Variants in CEP63 observed in about 807,000 individuals in gnomAD.
CEP63 encodes the protein centrosomal protein 63.
A neutral mutation model predicts 89.1 loss-of-function variants in CEP63; 84 were observed. The observed-to-expected ratio is 0.94, with a 90% CI of 0.79 to 1.13. The LOEUF is 1.13. Ranked by LOEUF, CEP63 falls within the 50% of genes most tolerant of loss-of-function variation. The pLI is 0.00. For synonymous variants in CEP63, 267 were observed against 272.5 expected (o/e 0.98, Z 0.20); for missense variants, 838 against 813.3 (o/e 1.03, Z -0.37).
At chr3:134,515,707 A>G (rs1034988958) in intron 3 of CEP63, among the ~76,000 whole-genome samples, 17 of 152,202 alleles carry the variant, frequency 1.1e-4, no homozygotes, top group African/African-American at 3.1e-4. Context: ...GCCAACATCT[A>G]CTATAACAGG....
intron 6 of CEP63, among the ~76,000 whole-genome samples, chr3:134,540,891 C>T (rs1951863569): frequency 1.3e-5 from 2 of 151,708 alleles, no homozygotes; most frequent in South Asian, 4.2e-4. Flanking sequence ...AAGCAGTTCT[C>T]CTGCCTCAGC....
the CEP63 span, among the ~76,000 whole-genome samples, chr3:134,744,139 G>A: frequency 6.6e-6 from 1 of 152,166 alleles, no homozygotes; most frequent in Non-Finnish European, 1.5e-5. Context: ...TTGAGATTTG[G>A]TTTTATGTAG....
intron 3 of CEP63, chr3:134,510,587 A>C (rs1944613782): frequency 6.7e-6 from 4 of 594,588 alleles, no homozygotes; most frequent in Non-Finnish European, 1.2e-5. Flanking sequence ...GGCACAACTT[A>C]CTGTCTTCAA....
the CEP63 span, among the ~76,000 whole-genome samples, chr3:134,771,559 A>C: frequency 1.3e-5 from 1 of 75,352 alleles, no homozygotes; most frequent in South Asian, 3.3e-4. Context: ...GATGATGTCG[A>C]TGTTGCTGTT....
intron 6 of CEP63, among the ~76,000 whole-genome samples, chr3:134,539,213 A>T (rs1951491153): frequency 6.6e-6 from 1 of 152,218 alleles, no homozygotes; most frequent in South Asian, 2.1e-4. Flanking sequence ...AATAGTTGTC[A>T]TCATCTTGTC....
At chr3:134,488,988 T>G (rs2107819098) in intron 1 of CEP63, among the ~76,000 whole-genome samples, 1 of 152,002 alleles carries the variant, frequency 6.6e-6, no homozygotes, top group East Asian at 1.9e-4. Context: ...AAACCCCGTC[T>G]CTACTAAAAA....
At chr3:134,690,400 G>A in the CEP63 span, among the ~76,000 whole-genome samples, 55 of 152,312 alleles carry the variant, frequency 3.6e-4, no homozygotes, top group Non-Finnish European at 6.9e-4. Flanking sequence ...AACTTGTGGT[G>A]AAGAGTTTGC....
At chr3:134,578,334 T>TTTG (rs1553798182), downstream of CEP63, among the ~76,000 whole-genome samples, 1 of 23,992 alleles carries the variant, frequency 4.2e-5, no homozygotes, top group African/African-American at 9.6e-5. Context: ...TTTTTTTTTT[T>TTTG]TTTTTTTTTT....
the CEP63 span, among the ~76,000 whole-genome samples, chr3:134,756,242 T>C: frequency 3.3e-5 from 5 of 152,254 alleles, no homozygotes; most frequent in Non-Finnish European, 7.3e-5. Context: ...ATGGCCTTTG[T>C]GTAGAGATCA....
intron 10 of CEP63, among the ~76,000 whole-genome samples, chr3:134,585,315 G>T (rs1388426162): frequency 1.3e-5 from 2 of 151,974 alleles, no homozygotes; most frequent in South Asian, 4.1e-4. Context: ...GCCTTCTCTT[G>T]TGGGCATTTA....
the CEP63 span, among the ~76,000 whole-genome samples, chr3:134,609,137 G>T: frequency 2.6e-5 from 4 of 152,226 alleles, no homozygotes; most frequent in East Asian, 1.9e-4. Flanking sequence ...AAGTTCAAAG[G>T]GGGGAAAGGC....
chr3:134,502,035 T>G (rs1029154420), intron 2 of CEP63, among the ~76,000 whole-genome samples: 2 of 152,148 alleles, frequency 1.3e-5, no homozygotes, highest in Non-Finnish European at 2.9e-5. Flanking sequence ...GCTTTTAACG[T>G]GAAGGGATAT....
At chr3:134,676,990 C>A in the CEP63 span, among the ~76,000 whole-genome samples, 1 of 152,198 alleles carries the variant, frequency 6.6e-6, no homozygotes, top group African/African-American at 2.4e-5. Context: ...AATCCCAGCA[C>A]TTTGGGAGGC....
downstream of CEP63, among the ~76,000 whole-genome samples, chr3:134,589,989 C>G (rs1958568282): frequency 6.6e-6 from 1 of 152,086 alleles, no homozygotes; most frequent in Non-Finnish European, 1.5e-5. Flanking sequence ...AGTGAACTAA[C>G]ATAGGAACAG....
the CEP63 span, among the ~76,000 whole-genome samples, chr3:134,757,970 A>G: frequency 6.6e-6 from 1 of 152,162 alleles, no homozygotes; most frequent in Non-Finnish European, 1.5e-5. Context: ...AGTGGGGAAT[A>G]CAGTGAAAGG....
At chr3:134,651,248 C>A in the CEP63 span, 885 of 1,230,932 alleles carry the variant, frequency 7.2e-4, 5 homozygotes, top group African/African-American at 0.013. Flanking sequence ...TCAGCAGGGG[C>A]GGCCGGTCCA....
At chr3:134,503,980 T>TACATTC (rs1322970450) in intron 2 of CEP63, among the ~76,000 whole-genome samples, 5 of 152,166 alleles carry the variant, frequency 3.3e-5, no homozygotes, top group African/African-American at 1.2e-4. Flanking sequence ...TTAAACCATT[T>TACATTC]ACATTCAGGG....
At chr3:134,659,811 G>A in the CEP63 span, among the ~76,000 whole-genome samples, 4 of 152,198 alleles carry the variant, frequency 2.6e-5, no homozygotes, top group African/African-American at 7.2e-5. Context: ...GGGGCCTGGC[G>A]GGAGGATGTT....
chr3:134,669,354 G>A, the CEP63 span, among the ~76,000 whole-genome samples: 2 of 152,114 alleles, frequency 1.3e-5, no homozygotes. Context: ...TGTTCTTGGG[G>A]TTCTGGTCAG....
Sources: allele counts gnomAD v4.1 joint callset (sites outside exome capture counted in the v4.1 genomes callset), GRCh38; gene constraint gnomAD v4.1.1; transcripts MANE v1.5; gene names NCBI Gene and HGNC (gene_info 2026-07-23, HGNC 2026-07-21).